Variants in NOS1AP observed in about 807,000 individuals in gnomAD.
The protein encoded by NOS1AP is carboxyl-terminal PDZ ligand of neuronal nitric oxide synthase protein.
Under a neutral mutation model 56.2 loss-of-function variants are expected in NOS1AP, and 21 were observed. The ratio of observed to expected loss-of-function variants is 0.37; its 90% CI spans 0.26 to 0.54. The LOEUF is 0.54. Among genes scored for constraint, NOS1AP ranks in the 20% least tolerant of loss-of-function variants. NOS1AP has a pLI of 0.84. For missense variants in NOS1AP, 522 were observed against 657.8 expected, an observed-to-expected ratio of 0.79 and a Z score of 2.26; for synonymous variants, 270 against 274.6, an observed-to-expected ratio of 0.98 and a Z score of 0.17.
intron 2 of NOS1AP, among the ~76,000 whole-genome samples, chr1:162,178,534 T>C (rs1651143699): frequency 6.6e-6 from 1 of 152,200 alleles, no homozygotes. Context: ...CCTTCCACTT[T>C]ATAGGTGAGG....
rs979518346 is a variant in NOS1AP at position 162,196,697 on chromosome 1, C to T, written c.177+42221C>T. On this transcript the variant is annotated intron_variant, in intron 2 of 9. Coordinates refer to ENST00000361897, the MANE Select transcript of NOS1AP (RefSeq NM_014697.3). ...TGCCACATGGACTGTGGAAGGCAGA[C>T]TATAATAGAAATCAAAGTGCTTTGA... Among the ~76,000 whole-genome samples the T allele has an allele frequency of 2.6e-5, 4 of 152,006 alleles. No homozygotes were observed. The South Asian group carries it at 8.3e-4, about 32-fold the overall frequency.
intron 5 of NOS1AP, among the ~76,000 whole-genome samples, chr1:162,334,196 T>A (rs1302263579): frequency 6.6e-6 from 1 of 152,228 alleles, no homozygotes; most frequent in Non-Finnish European, 1.5e-5. Context: ...GAATTATGCT[T>A]TGTTAACTTA....
chr1:162,131,158 G>A (rs770785597), intron 1 of NOS1AP, among the ~76,000 whole-genome samples: 8 of 152,078 alleles, frequency 5.3e-5, no homozygotes, highest in Non-Finnish European at 1.0e-4. Context: ...ATGTTTGAAC[G>A]CTTGCTTGTG....
intron 2 of NOS1AP, among the ~76,000 whole-genome samples, chr1:162,238,985 C>T (rs1288351443): frequency 6.6e-6 from 1 of 152,100 alleles, no homozygotes; most frequent in African/African-American, 2.4e-5. Flanking sequence ...AATCTGTAGA[C>T]CTATTCCTAG....
chr1:162,281,477 G>A (rs1023574016), intron 2 of NOS1AP, among the ~76,000 whole-genome samples: 1 of 152,164 alleles, frequency 6.6e-6, no homozygotes, highest in Admixed American at 6.5e-5. Context: ...CCAATCAACA[G>A]TGAGTGATAA....
At chr1:162,271,402 A>G (rs1009290634) in intron 2 of NOS1AP, among the ~76,000 whole-genome samples, 1 of 152,132 alleles carries the variant, frequency 6.6e-6, no homozygotes, top group Admixed American at 6.5e-5. Flanking sequence ...TATGGAAAGA[A>G]AGTATGAGGG....
chr1:162,273,849 A>C (rs1479802552), intron 2 of NOS1AP, among the ~76,000 whole-genome samples: 4 of 152,140 alleles, frequency 2.6e-5, no homozygotes, highest in Non-Finnish European at 5.9e-5. Flanking sequence ...ATTTCAACCA[A>C]TTCCCCTCTA....
chr1:162,368,978 C>A lies in NOS1AP; in HGVS notation c.*1511C>A, dbSNP rs1158342681. The A allele has an allele frequency of 6.6e-6, 1 of 152,100 alleles. No individual in the cohort carries two copies. Among genetic ancestry groups the A allele is most frequent in the Non-Finnish European group, 1.5e-5 (1 of 68,042 alleles). The allele number at this position is 152,100 out of a possible 1,614,324, so 9.4% of individuals were successfully genotyped here. A position where few individuals can be genotyped will look rare whatever the true frequency, so the allele number is the denominator to read the frequency against. On this transcript the variant is annotated 3_prime_UTR_variant, in exon 10 of 10. Coordinates refer to ENST00000361897, the MANE Select transcript of NOS1AP (RefSeq NM_014697.3). Reference sequence around the variant, plus strand: ...TGGCCACAGTTGGTTTTCTTGTAGCCCAGAAAGTCCAAATTAAAGGAAATA... The same window carrying A: ...TGGCCACAGTTGGTTTTCTTGTAGCACAGAAAGTCCAAATTAAAGGAAATA...
chr1:162,095,628 C>A (rs1158433121), intron 1 of NOS1AP, among the ~76,000 whole-genome samples: 1 of 152,090 alleles, frequency 6.6e-6, no homozygotes, highest in Non-Finnish European at 1.5e-5. Context: ...TCTGTAGGGA[C>A]CATATTAGAC....
intron 2 of NOS1AP, among the ~76,000 whole-genome samples, chr1:162,220,896 A>G (rs189683465): frequency 3.3e-5 from 5 of 152,300 alleles, no homozygotes; most frequent in African/African-American, 1.2e-4. Context: ...GAATTTGTTG[A>G]CTAATGATTG....
chr1:162,189,740 A>T (rs988414122), intron 2 of NOS1AP, among the ~76,000 whole-genome samples: 5 of 152,214 alleles, frequency 3.3e-5, no homozygotes, highest in African/African-American at 1.2e-4. Context: ...TTATCTAAAT[A>T]AAGAGGGTAA....
intron 8 of NOS1AP, among the ~76,000 whole-genome samples, chr1:162,357,799 T>C (rs553843284): frequency 6.6e-6 from 1 of 152,026 alleles, no homozygotes; most frequent in Admixed American, 6.6e-5. Flanking sequence ...TGCTACATTA[T>C]AGGGGAGGGT....
intron 2 of NOS1AP, among the ~76,000 whole-genome samples, chr1:162,221,536 A>ACACACACGCG (rs1652782200): frequency 4.1e-5 from 1 of 24,398 alleles, no homozygotes; most frequent in Non-Finnish European, 1.7e-4. Context: ...ACACGCGCGC[A>ACACACACGCG]CACACACACA....
chr1:162,336,250 G>A (rs1335615116), intron 5 of NOS1AP, among the ~76,000 whole-genome samples: 1 of 152,180 alleles, frequency 6.6e-6, no homozygotes, highest in East Asian at 1.9e-4. Flanking sequence ...GGTAGGTGCT[G>A]TTATGCTCTT....
At chr1:162,070,767 A>G (rs2102005993) in intron 1 of NOS1AP, among the ~76,000 whole-genome samples, 1 of 152,094 alleles carries the variant, frequency 6.6e-6, no homozygotes, top group African/African-American at 2.4e-5. Context: ...TTTAAACTCC[A>G]GGTAACCGGG....
Position 162,343,857 on chromosome 1 carries a change from G to T in NOS1AP, c.476G>T (p.Arg159Leu). 6.2e-7 allele frequency: 1 copy of T among 1,614,096 alleles called. No individual in the cohort carries two copies. The highest frequency in any genetic ancestry group is 1.1e-5 in the South Asian group (1 of 91,068). ...KKKSQAMRIV[R>L]TVGQAFEVCH... is the part of the protein sequence containing the mutation. ...CAGAGCCAAGCTATGAGAATCGTTCGGACGGTGGGGCAGGCCTTTGAGGTC... is the reference window on the plus strand; with the variant it reads ...CAGAGCCAAGCTATGAGAATCGTTCTGACGGTGGGGCAGGCCTTTGAGGTC... The change falls in exon 6 of 10, where the codon CGG becomes CTG. Residue 159 changes from arginine to leucine, a missense_variant. By Grantham distance (102) the Arg-to-Leu change is moderately radical (BLOSUM62 -2). This residue lies in a region of NOS1AP where 132 missense variants were observed against 218.1 expected (regional missense o/e 0.61). Coordinates refer to ENST00000361897, the MANE Select transcript of NOS1AP (RefSeq NM_014697.3).
chr1:162,358,822 A>T (rs540211730), intron 8 of NOS1AP, among the ~76,000 whole-genome samples: 6 of 152,356 alleles, frequency 3.9e-5, no homozygotes, highest in African/African-American at 1.2e-4. Context: ...TATTCATGAT[A>T]TGATTTTATC....
chr1:162,196,971 T>C (rs1415889313), intron 2 of NOS1AP, among the ~76,000 whole-genome samples: 1 of 152,146 alleles, frequency 6.6e-6, no homozygotes, highest in East Asian at 1.9e-4. Context: ...CAGCTGTAAC[T>C]AAATGAGAAA....
Position 162,355,327 on chromosome 1 carries a change from G to C in NOS1AP, c.736G>C (p.Glu246Gln). 6.2e-7 allele frequency: 1 copy of C among 1,614,170 alleles called. No individual in the cohort carries two copies. Among genetic ancestry groups the C allele is most frequent in the Non-Finnish European group, 8.5e-7 (1 of 1,180,034 alleles). Residue 246 changes from glutamate (E) to glutamine (Q), a missense_variant, in exon 7 of 10, where the codon GAA becomes CAA. This residue lies in a region of NOS1AP where 178 missense variants were observed against 165.0 expected (regional missense o/e 1.08). Transcript: ENST00000361897. ...GACTGATCTAGATGCTGTAGGGAAG[G>C]AAGGAGGCTCTCACACAGGCTCCAA... ...GVTDLDAVGK[E>Q]GGSHTGSKVS...
Sources: gnomAD v4.1 joint callset for allele counts (sites outside exome capture counted in the v4.1 genomes callset) on GRCh38, gnomAD v4.1.1 for gene constraint, gnomAD v4.1.1 regional missense constraint, MANE v1.5 for transcripts, NCBI Gene and HGNC (gene_info 2026-07-23, HGNC 2026-07-21) for gene names.